PRSS53: variants seen among roughly 807,000 people sequenced by gnomAD.
PRSS53 encodes serine protease 53.
PRSS53 carries 54 observed loss-of-function variants against 62.7 expected under a neutral mutation model. The ratio of observed to expected loss-of-function variants is 0.86; its 90% CI spans 0.69 to 1.08. The LOEUF (loss-of-function observed/expected upper bound fraction) is 1.08, where lower values mean the gene tolerates loss of function less well. Among genes scored for constraint, PRSS53 ranks in the 50% least tolerant of loss-of-function variants. The probability of loss-of-function intolerance (pLI) is 0.00; values close to 1 mark genes in which losing one functional copy is unlikely to be tolerated. For missense variants in PRSS53, 688 were observed against 728.3 expected, an observed-to-expected ratio of 0.94 and a Z score of 0.64; for synonymous variants, 273 against 300.0, an observed-to-expected ratio of 0.91 and a Z score of 0.93.
chr16:31,083,612 T>G, exon 11 of PRSS53: 1 of 1,492,748 alleles, frequency 6.7e-7, no homozygotes, highest in Non-Finnish European at 9.0e-7. Flanking sequence ...CAGACACCCC[T>G]GTCCTGCAGG....
exon 10 of PRSS53, chr16:31,084,276 C>T: frequency 6.2e-7 from 1 of 1,612,756 alleles, no homozygotes; most frequent in Non-Finnish European, 8.5e-7. Flanking sequence ...CGAAGCTGTG[C>T]AGCCCGGCCA....
In PRSS53 at chr16:31,086,023, G is replaced by GC; in HGVS notation, c.823dup (p.Ala275GlyfsTer15). On this transcript the variant is annotated frameshift_variant, in exon 6 of 11. Transcript: ENST00000280606. LOFTEE classifies it high-confidence loss of function. ...CTCTGGGCTCTGGGCCAGGAAAGCT[G>GC]CCCCCTGAACTCGAGCCTGCAGCCA... 6.2e-7 allele frequency: 1 copy of GC among 1,614,034 alleles called. No individual in the cohort carries two copies. The highest frequency in any genetic ancestry group is 2.2e-5 in the East Asian group (1 of 44,874).
exon 6 of PRSS53, chr16:31,086,082 A>G (rs1567416750): frequency 6.2e-7 from 1 of 1,613,882 alleles, no homozygotes; most frequent in Non-Finnish European, 8.5e-7. Flanking sequence ...TCAGCAGCAC[A>G]GGAGCGTCCT....
exon 4 of PRSS53, chr16:31,086,777 G>A: frequency 6.2e-7 from 1 of 1,613,278 alleles, no homozygotes; most frequent in Non-Finnish European, 8.5e-7. Context: ...TGGCTGTAGT[G>A]GTTATAGGCC....
chr16:31,083,514 G>C, exon 11 of PRSS53: 1 of 1,340,896 alleles, frequency 7.5e-7, no homozygotes, highest in Non-Finnish European at 9.6e-7. Flanking sequence ...TCAAAACAAC[G>C]TGGCTGGCGT....
chr16:31,088,498 C>T (rs949712167), intron 1 of PRSS53: 48 of 1,384,498 alleles, frequency 3.5e-5, no homozygotes, highest in Middle Eastern at 2.6e-4. Flanking sequence ...ACAGGACACA[C>T]GCAGGCAGCA....
chr16:31,084,333 G>T, exon 10 of PRSS53: 1 of 1,611,074 alleles, frequency 6.2e-7, no homozygotes, highest in Non-Finnish European at 8.5e-7. Flanking sequence ...CCCCAGACAG[G>T]CCCTGTCAGG....
At chr16:31,085,889 A>G in intron 6 of PRSS53, 75 bp downstream of exon 6, 1 of 1,365,222 alleles carries the variant, frequency 7.3e-7, no homozygotes, top group South Asian at 1.2e-5. Context: ...GTGGATGCCT[A>G]TGCCAGTTCT....
intron 10 of PRSS53, 31 bp from the exon 11 acceptor site, chr16:31,083,840 C>T (rs919677713): frequency 2.5e-6 from 4 of 1,613,828 alleles, no homozygotes; most frequent in East Asian, 2.2e-5. Flanking sequence ...TGGAGTTGTC[C>T]TCATCCTCAC....
chr16:31,084,118 C>A lies in PRSS53; in HGVS notation c.1642+1G>T. 2 of 1,572,452 alleles carry A rather than the reference C, an allele frequency of 1.3e-6. No individual in the cohort carries two copies. Among genetic ancestry groups the A allele is most frequent in the Non-Finnish European group, 1.7e-6 (2 of 1,159,692 alleles). On this transcript the variant is annotated splice_donor_variant, in intron 10 of 10. Transcript: ENST00000280606. LOFTEE classifies it high-confidence loss of function. ...TGGCAGGAGGCCCCGGGGCCACATA[C>A]TTATGTTGGCCAGGCAGCTTCCAGG...
Position 31,085,082 on chromosome 16 carries a change from G to T in PRSS53, c.1034+28C>A, listed in dbSNP as rs761742723. On this transcript the variant is annotated intron_variant, in intron 7 of 10. Transcript: ENST00000280606. ...ACAGGGCTGCCGGCAGGGGCAGGGG[G>T]CACAGCAGAGAGGGATCCAAGACTC... is the stretch of plus-strand genomic sequence containing the variant. The T allele has an allele frequency of 5.0e-6, 8 of 1,612,666 alleles. 1 individual carries two copies. In the Middle Eastern group the frequency reaches 9.9e-4, roughly 200 times the overall value.
chr16:31,088,131 ACT>A, intron 1 of PRSS53: 4 of 1,346,298 alleles, frequency 3.0e-6, no homozygotes, highest in Non-Finnish European at 3.8e-6. Flanking sequence ...TGCCCCCGCC[ACT>A]GAGTCAGCCA....
chr16:31,083,546 G>T (rs1567414393), exon 11 of PRSS53: 2 of 1,425,458 alleles, frequency 1.4e-6, no homozygotes, highest in Non-Finnish European at 1.8e-6. Flanking sequence ...AAAGGGTAAA[G>T]GAGGAGGAAA....
At chr16:31,086,114 A>C in exon 6 of PRSS53, 1 of 1,613,594 alleles carries the variant, frequency 6.2e-7, no homozygotes, top group Non-Finnish European at 8.5e-7. Flanking sequence ...CTTGATGCAA[A>C]GCTGATGATG....
chr16:31,086,528 A>T lies in PRSS53; in HGVS notation c.509-37T>A. 3 of 1,589,200 alleles carry T rather than the reference A, an allele frequency of 1.9e-6. No individual in the cohort carries two copies. In the South Asian group the frequency reaches 3.4e-5, roughly 18 times the overall value. On this transcript the variant is annotated intron_variant, in intron 4 of 10. Transcript: ENST00000280606. ...GACGGGGCTGGGGCTAGAGTCTGGGATCTGGGAAGCAAGGGAGACTGGAAG... is the reference window on the plus strand; with the variant it reads ...GACGGGGCTGGGGCTAGAGTCTGGGTTCTGGGAAGCAAGGGAGACTGGAAG...
At chr16:31,084,669 G>T (rs747541964) in exon 9 of PRSS53, 2 of 1,611,768 alleles carry the variant, frequency 1.2e-6, no homozygotes, top group East Asian at 4.5e-5. Flanking sequence ...TAGGCCCCAG[G>T]AGGGTCACGG....
At chr16:31,087,740 C>T (rs760717296) in intron 2 of PRSS53, 41 bp from the exon 3 acceptor site, 1 of 1,614,142 alleles carries the variant, frequency 6.2e-7, no homozygotes, top group East Asian at 2.2e-5. Context: ...AGATACCTGT[C>T]CTGACCTCAC....
chr16:31,086,538 C>G (rs1197477189), intron 4 of PRSS53, 47 bp from the exon 5 acceptor site: 2 of 1,581,042 alleles, frequency 1.3e-6, no homozygotes, highest in Admixed American at 1.8e-5. Context: ...ATCTGGGAAG[C>G]AAGGGAGACT....
chr16:31,086,756 G>C, exon 4 of PRSS53: 5 of 1,611,148 alleles, frequency 3.1e-6, no homozygotes, highest in Non-Finnish European at 4.2e-6. Context: ...AGCAGGGCCA[G>C]GTCTGAGCCC....
Sources: allele counts gnomAD v4.1 joint callset, GRCh38; gene constraint gnomAD v4.1.1; transcripts MANE v1.5; gene names NCBI Gene and HGNC (gene_info 2026-07-23, HGNC 2026-07-21).